STOX1: variants seen among roughly 807,000 people sequenced by gnomAD.
STOX1 encodes the protein storkhead box 1.
STOX1 carries 57 observed loss-of-function variants against 74.8 expected under a neutral mutation model. The observed-to-expected ratio is 0.76, with a 90% confidence interval of 0.62 to 0.95. The LOEUF is 0.95. STOX1 is among the 40% of genes least tolerant of loss of function. The pLI is 0.00. For missense variants in STOX1, 1,010 were observed against 1,117.0 expected (o/e 0.90, Z 1.37); for synonymous variants, 375 against 401.3 (o/e 0.93, Z 0.78).
rs1022682394 is a variant in STOX1, at chr10:68,858,770, G to T, written c.311-23188G>T. ...TGTAGATAGGCCTTCCTGGATTCTT[G>T]TGCAGGTCCTGTTTATTATTCTGGG... On this transcript the variant is annotated intron_variant, in intron 1 of 3. Transcript: ENST00000298596. Among the ~76,000 whole-genome samples the T allele has an allele frequency of 5.9e-5, 9 of 151,638 alleles. 1 individual carries two copies. In the East Asian group the frequency reaches 1.7e-3, roughly 29 times the overall value.
chr10:68,894,212 A>G (rs1841153079), downstream of STOX1, among the ~76,000 whole-genome samples: 1 of 152,022 alleles, frequency 6.6e-6, no homozygotes, highest in African/African-American at 2.4e-5. Flanking sequence ...GGTGTGCACC[A>G]CCACACCCAG....
At position 68,892,514 on chromosome 10, in the gene STOX1, TG is replaced by T. The variant is rs1841121192; in HGVS notation, c.2823-73del. On this transcript the variant is annotated intron_variant, in intron 3 of 3. Transcript: ENST00000298596. ...AAATGTACTACTTCAAAGTAGCAAA[TG>T]GAAGTATAATGCCTTGGTTAGAAAT... 9 of 1,384,140 alleles carry T rather than the reference TG, an allele frequency of 6.5e-6. No homozygotes were observed. In the South Asian group the frequency reaches 9.4e-5, roughly 14 times the overall value. The allele number at this position is 1,384,140 out of a possible 1,614,324, so 85.7% of individuals were successfully genotyped here.
rs375864829 is a variant in STOX1, at chr10:68,892,924, A to G, written c.*188A>G. 1.6e-6 allele frequency: 1 copy of G among 612,958 alleles called. No homozygotes were observed. The highest frequency in any genetic ancestry group is 2.7e-6 in the Non-Finnish European group (1 of 364,430). The allele number at this position is 612,958 out of a possible 1,614,324, so 38.0% of individuals were successfully genotyped here. On this transcript the variant is annotated 3_prime_UTR_variant, in exon 4 of 4. Transcript: ENST00000298596. The stretch of plus-strand genomic sequence containing the variant: ...TCTTTTGGTGTCTTAAGGCTTTTTG[A>G]AGCTTATTTTACTGTGAGTTTATTG...
At chr10:68,860,429 C>G (rs1007297069) in intron 1 of STOX1, among the ~76,000 whole-genome samples, 1 of 150,822 alleles carries the variant, frequency 6.6e-6, no homozygotes, top group African/African-American at 2.4e-5. Flanking sequence ...AAAAATTAGC[C>G]AGGCATGGCA....
Position 68,888,802 on chromosome 10 carries a change from A to ATTTTTTT in STOX1, c.2822+2210_2822+2216dup, listed in dbSNP as rs35174437. ...AGGCATATGTCACTATGCCCAGCTA[A>ATTTTTTT]TTTTTTTTTTTTTTTTTTTTTTTTT... On this transcript the variant is annotated intron_variant, in intron 3 of 3. Transcript: ENST00000298596. 8.8e-3 allele frequency among the ~76,000 whole-genome samples: 282 copies of ATTTTTTT among 32,076 alleles called. 57 individuals carry two copies. Among genetic ancestry groups the ATTTTTTT allele is most frequent in the African/African-American group, 0.02 (154 of 7,602 alleles). The allele number at this position is 32,076 out of a possible 152,430, so 21.0% of individuals were successfully genotyped here. A position where few individuals can be genotyped will look rare whatever the true frequency, so the allele number is the denominator to read the frequency against.
chr10:68,889,059 C>A (rs977998860), intron 3 of STOX1, among the ~76,000 whole-genome samples: 3 of 152,110 alleles, frequency 2.0e-5, no homozygotes, highest in African/African-American at 7.2e-5. Flanking sequence ...TAGCTCACTG[C>A]AGCCTAGGCC....
Position 68,882,020 on chromosome 10 carries a change from G to A in STOX1, c.373G>A (p.Val125Ile), listed in dbSNP as rs1467140899. 2 of 1,613,838 alleles carry A rather than the reference G, an allele frequency of 1.2e-6. No individual in the cohort carries two copies. Among genetic ancestry groups the A allele is most frequent in the African/African-American group, 2.7e-5 (2 of 75,002 alleles). ...ATCTCAGTTCGTACCTTTGGGTGAA[G>A]TTCTTTGCTGTGCTATATCTGATAT... Reference protein sequence around the residue: ...TQSQFVPLGEVLCCAISDMNT... With the variant: ...TQSQFVPLGEILCCAISDMNT... Residue 125 changes from valine (V) to isoleucine (I), a missense_variant, in exon 2 of 4, where the codon GTT (valine) becomes ATT (isoleucine). Transcript: ENST00000298596.
At chr10:68,876,221 G>A (rs940962043) in intron 1 of STOX1, among the ~76,000 whole-genome samples, 1 of 151,346 alleles carries the variant, frequency 6.6e-6, no homozygotes, top group Non-Finnish European at 1.5e-5. Context: ...GCAATGGCGC[G>A]ATCTCGGCTC....
intron 3 of STOX1, among the ~76,000 whole-genome samples, chr10:68,889,940 G>T (rs1841058927): frequency 6.7e-6 from 1 of 149,710 alleles, no homozygotes; most frequent in Non-Finnish European, 1.5e-5. Flanking sequence ...CAGCTATTTT[G>T]TGTGTGTGTG....
intron 1 of STOX1, among the ~76,000 whole-genome samples, chr10:68,830,606 G>T (rs1209793995): frequency 3.3e-5 from 5 of 152,154 alleles, no homozygotes; most frequent in Non-Finnish European, 5.9e-5. Flanking sequence ...GCCTCCCAAA[G>T]TGCTGGGATT....
At chr10:68,854,798 A>G (rs1395740228) in intron 1 of STOX1, among the ~76,000 whole-genome samples, 1 of 152,134 alleles carries the variant, frequency 6.6e-6, no homozygotes, top group African/African-American at 2.4e-5. Context: ...CACCCCTGGT[A>G]ACAAAGAGTT....
chr10:68,858,971 T>G (rs202094781), intron 1 of STOX1, among the ~76,000 whole-genome samples: 1 of 152,106 alleles, frequency 6.6e-6, no homozygotes, highest in East Asian at 1.9e-4. Flanking sequence ...CCACAAAGCC[T>G]GGGAGTGGGA....
At chr10:68,832,559 G>A (rs1447443599) in intron 1 of STOX1, among the ~76,000 whole-genome samples, 1 of 151,964 alleles carries the variant, frequency 6.6e-6, no homozygotes, top group African/African-American at 2.4e-5. Flanking sequence ...TGTAATCCCA[G>A]CTACTTGGGA....
At chr10:68,893,125 C>T (rs1238253741), downstream of STOX1, 1 of 192,626 alleles carries the variant, frequency 5.2e-6, no homozygotes, top group African/African-American at 2.4e-5. Flanking sequence ...TGGATCTCAC[C>T]AGATTTCAAC....
At position 68,843,952 on chromosome 10, in the gene STOX1, G is replaced by A. The variant is rs184227628; in HGVS notation, c.310+16019G>A. On this transcript the variant is annotated intron_variant, in intron 1 of 3. Coordinates refer to ENST00000298596, the MANE Select transcript of STOX1 (RefSeq NM_152709.5). ...TCCCAGCACTTTGGGAGGCCGAGGCGGGTGGATCACAAGGTCAGGAGATCG... is the reference window on the plus strand; with the variant it reads ...TCCCAGCACTTTGGGAGGCCGAGGCAGGTGGATCACAAGGTCAGGAGATCG... Among the ~76,000 whole-genome samples, 19 of 152,102 alleles carry A rather than the reference G, an allele frequency of 1.2e-4. No homozygotes were observed. The East Asian group carries it at 3.3e-3, about 27-fold the overall frequency.
intron 1 of STOX1, among the ~76,000 whole-genome samples, chr10:68,831,249 G>A (rs549410263): frequency 1.3e-5 from 2 of 152,112 alleles, no homozygotes; most frequent in Admixed American, 6.6e-5. Context: ...GTGCAATGGC[G>A]CAATCTCAGC....
intron 1 of STOX1, chr10:68,828,232 C>T (rs924499016): frequency 2.2e-5 from 22 of 982,176 alleles, no homozygotes; most frequent in Non-Finnish European, 2.7e-5. Flanking sequence ...GGCGCCGGGC[C>T]CTGCGGCCGC....
intron 1 of STOX1, among the ~76,000 whole-genome samples, chr10:68,847,405 GGTTTTGTTTT>G (rs60685330): frequency 0.021 from 3,231 of 150,758 alleles, 120 homozygotes; most frequent in African/African-American, 0.075. Flanking sequence ...GAAGGTAGAA[GGTTTTGTTTT>G]GTTTTGTTTT....
In STOX1 at chr10:68,827,663, C is replaced by G. The variant is rs536894548; in HGVS notation, c.40C>G (p.Leu14Val). The part of the protein sequence containing the change: ...PVQLAPGSLA[L>V]VLCRLEAQKA... ...GCAGCTGGCGCCGGGCTCGCTGGCG[C>G]TAGTGCTGTGCCGGCTGGAGGCGCA... The change falls in exon 1 of 4, where the codon CTA becomes GTA. Residue 14 changes from leucine to valine, a missense_variant. By Grantham distance (32) the Leu-to-Val change is conservative. Coordinates refer to ENST00000298596, the MANE Select transcript of STOX1 (RefSeq NM_152709.5). 1.0e-3 allele frequency: 1,185 copies of G among 1,137,932 alleles called. 14 individuals are homozygous for G. The African/African-American group carries it at 0.018, about 17-fold the overall frequency. 70.5% of individuals were successfully genotyped at this position (1,137,932 alleles called of 1,614,324 possible). A position where few individuals can be genotyped will look rare whatever the true frequency, so the allele number is the denominator to read the frequency against.
Sources: gnomAD v4.1 joint callset for allele counts (sites outside exome capture counted in the v4.1 genomes callset) on GRCh38, gnomAD v4.1.1 for gene constraint, MANE v1.5 for transcripts, NCBI Gene and HGNC (gene_info 2026-07-23, HGNC 2026-07-21) for gene names.